The following CATSPERB variants were observed in gnomAD, a reference collection of about 807,000 sequenced individuals.
CATSPERB encodes the protein catsper channel auxiliary subunit beta.
CATSPERB carries 93 observed loss-of-function variants against 128.3 expected under a neutral mutation model. That is an observed-to-expected ratio of 0.72 (90% confidence interval 0.61 to 0.86). The LOEUF (loss-of-function observed/expected upper bound fraction) is 0.86. CATSPERB is among the 40% of genes least tolerant of loss of function. The pLI is 0.00. For synonymous variants in CATSPERB, 381 were observed against 448.8 expected (o/e 0.85, Z 1.91); for missense variants, 1,153 against 1,329.5 (o/e 0.87, Z 2.06).
rs1007807807 is a variant in CATSPERB at position 91,656,331 on chromosome 14, A to G, written c.1432+3506T>C. ...TGGTATGTAAACTACTCATATGTTG[A>G]GTAGAAAAACTAAAAGATAAACTGA... On this transcript the variant is annotated intron_variant, in intron 15 of 26. Transcript: ENST00000256343. Among the ~76,000 whole-genome samples the G allele has an allele frequency of 2.8e-4, 42 of 152,290 alleles. 1 individual carries two copies. Among genetic ancestry groups the G allele is most frequent in the Admixed American group, 2.4e-3 (37 of 15,306 alleles).
In CATSPERB at chr14:91,675,715, T is replaced by G. The variant is rs141858273; in HGVS notation, c.932-1493A>C. Among the ~76,000 whole-genome samples, 4 of 152,296 alleles carry G rather than the reference T, an allele frequency of 2.6e-5. No individual in the cohort carries two copies. In the East Asian group the frequency reaches 7.7e-4, roughly 29 times the overall value. On this transcript the variant is annotated intron_variant, in intron 11 of 26. Transcript: ENST00000256343. ...TTGGGCCCTTATCTACTTGCAACTTTCTTTCCTTCTTTCTCTACCCTTTAA... is the reference window on the plus strand; with the variant it reads ...TTGGGCCCTTATCTACTTGCAACTTGCTTTCCTTCTTTCTCTACCCTTTAA...
At chr14:91,631,489 C>A (rs573644932) in intron 17 of CATSPERB, among the ~76,000 whole-genome samples, 92 of 152,162 alleles carry the variant, frequency 6.0e-4, no homozygotes, top group African/African-American at 2.2e-3. Context: ...CATGGTGAAA[C>A]CCCGTCTCTA....
In CATSPERB at chr14:91,704,716, T is replaced by C; in HGVS notation, c.467-15A>G. ...AAGAATCGGTTCTGTGGAAATCAAA[T>C]TTGGGTGTTTAAATTGTGGGAGCAC... is the stretch of plus-strand genomic sequence containing the variant. On this transcript the variant is annotated splice_polypyrimidine_tract_variant and intron_variant, in intron 6 of 26. Transcript: ENST00000256343. 2 of 1,606,584 alleles carry C rather than the reference T, an allele frequency of 1.2e-6. No homozygotes were observed. The highest frequency in any genetic ancestry group is 1.7e-6 in the Non-Finnish European group (2 of 1,177,080).
chr14:91,722,898 T>C (rs76686186), intron 4 of CATSPERB, 151 bp downstream of exon 4: 105,178 of 479,924 alleles, frequency 0.22, 12,916 homozygotes, highest in South Asian at 0.4. Flanking sequence ...TATATGACTG[T>C]TTAAAGCAAA....
intron 15 of CATSPERB, among the ~76,000 whole-genome samples, chr14:91,650,337 CAT>C (rs1310151883): frequency 6.6e-6 from 1 of 152,104 alleles, no homozygotes. Flanking sequence ...AGCAATAGGA[CAT>C]ATGTTTATCA....
chr14:91,638,125 G>A (rs1167476170), intron 16 of CATSPERB, among the ~76,000 whole-genome samples: 2 of 152,084 alleles, frequency 1.3e-5, no homozygotes, highest in Non-Finnish European at 2.9e-5. Context: ...TTCATCTTTT[G>A]TTCCTTTTCC....
chr14:91,645,861 T>C (rs1259399304), intron 15 of CATSPERB, among the ~76,000 whole-genome samples: 8 of 146,868 alleles, frequency 5.4e-5, no homozygotes, highest in East Asian at 4.1e-4. Context: ...ATCAGCGAGA[T>C]TCCGTGGGCG....
chr14:91,626,573 A>C (rs1894167894), intron 17 of CATSPERB, among the ~76,000 whole-genome samples: 1 of 151,988 alleles, frequency 6.6e-6, no homozygotes, highest in Non-Finnish European at 1.5e-5. Flanking sequence ...GAATGAATTC[A>C]GTCCCTTCCC....
intron 26 of CATSPERB, among the ~76,000 whole-genome samples, chr14:91,584,203 G>C (rs888880866): frequency 2.0e-5 from 3 of 152,036 alleles, no homozygotes; most frequent in Non-Finnish European, 4.4e-5. Flanking sequence ...TGAGTAACTA[G>C]GATTACAGGC....
At chr14:91,626,649 C>T (rs922435690) in intron 17 of CATSPERB, among the ~76,000 whole-genome samples, 1 of 152,066 alleles carries the variant, frequency 6.6e-6, no homozygotes, top group African/African-American at 2.4e-5. Flanking sequence ...ATGTGCTCAC[C>T]CTTCTGCCTT....
chr14:91,707,627 C>A (rs1895756655), intron 6 of CATSPERB, among the ~76,000 whole-genome samples: 1 of 107,640 alleles, frequency 9.3e-6, no homozygotes, highest in Non-Finnish European at 1.7e-5. Flanking sequence ...GAGACACAGT[C>A]TCACTCTGTT....
intron 26 of CATSPERB, among the ~76,000 whole-genome samples, chr14:91,584,816 T>G (rs1457436383): frequency 6.6e-6 from 1 of 152,174 alleles, no homozygotes; most frequent in Non-Finnish European, 1.5e-5. Flanking sequence ...TACAGTGTTG[T>G]TTTTCTCTGA....
At chr14:91,605,616 G>A (rs1893686524) in intron 22 of CATSPERB, among the ~76,000 whole-genome samples, 1 of 152,138 alleles carries the variant, frequency 6.6e-6, no homozygotes, top group Non-Finnish European at 1.5e-5. Context: ...GGCTCATTAT[G>A]TTCCAGGCTG....
Position 91,610,563 on chromosome 14 carries a change from G to T in CATSPERB, c.2515C>A (p.Pro839Thr), listed in dbSNP as rs1389454100. ...TCTTCAAATGGGATAAATTTGCTAG[G>T]AATGTGATGCATAGATCTGAGATAA... ...CSYLRSMHHI[P>T]SKFIPFEDWI... Residue 839 changes from proline to threonine, a missense_variant, in exon 21 of 27, where the codon CCT (proline) becomes ACT (threonine). Pro to Thr is a conservative substitution (Grantham distance 38). Transcript: ENST00000256343. 6.2e-7 allele frequency: 1 copy of T among 1,614,010 alleles called. No homozygotes were observed. The highest frequency in any genetic ancestry group is 1.7e-5 in the Admixed American group (1 of 59,998).
intron 1 of CATSPERB, among the ~76,000 whole-genome samples, chr14:91,731,729 T>A (rs541170736): frequency 2.6e-4 from 39 of 152,316 alleles, no homozygotes; most frequent in Non-Finnish European, 5.9e-5. Flanking sequence ...AAGTTTTACA[T>A]AATTACTGGA....
At chr14:91,641,009 T>C (rs1247222798) in intron 15 of CATSPERB, among the ~76,000 whole-genome samples, 151 of 144,324 alleles carry the variant, frequency 1.0e-3, no homozygotes, top group African/African-American at 3.7e-3. Flanking sequence ...TTTTTTCATG[T>C]GTTTTTTGGC....
rs1344502095 is a variant in CATSPERB at position 91,636,560 on chromosome 14, T to C, written c.1607A>G (p.Glu536Gly). 1.9e-6 allele frequency: 3 copies of C among 1,613,618 alleles called. No homozygotes were observed. In the South Asian group the frequency reaches 3.3e-5, roughly 18 times the overall value. The change falls in exon 17 of 27, where the codon GAG (glutamate) becomes GGG (glycine). Residue 536 changes from glutamate (E) to glycine (G), a missense_variant. Transcript: ENST00000256343. Reference protein sequence around the residue: ...LFGQPPDMGFETALAPQHTSL... With the variant: ...LFGQPPDMGFGTALAPQHTSL... Reference sequence around the variant, plus strand: ...GGTGTGCTGTGGGGCAAGCGCAGTCTCAAAGCCCATATCTGGAGGCTGGAA... The same window carrying C: ...GGTGTGCTGTGGGGCAAGCGCAGTCCCAAAGCCCATATCTGGAGGCTGGAA...
In CATSPERB at chr14:91,683,941, A is replaced by G; in HGVS notation, c.867T>C (p.Val289=). ...SRADFCGFER[V]DYVKGKLWYN... is the part of the protein sequence containing the mutation. Reference sequence around the variant, plus strand: ...ACCACAGTTTTCCTTTCACATAGTCAACCTACATAAATAAATAAAATATCA... The same window carrying G: ...ACCACAGTTTTCCTTTCACATAGTCGACCTACATAAATAAATAAAATATCA... Residue 289 remains valine (V), a splice_region_variant and synonymous_variant, in exon 11 of 27, where the codon GTT becomes GTC. Transcript: ENST00000256343. 1 of 1,577,404 alleles carries G rather than the reference A, an allele frequency of 6.3e-7. No individual in the cohort carries two copies. The highest frequency in any genetic ancestry group is 8.7e-7 in the Non-Finnish European group (1 of 1,153,258).
chr14:91,692,707 A>G (rs1383161709), intron 9 of CATSPERB, among the ~76,000 whole-genome samples: 1 of 152,186 alleles, frequency 6.6e-6, no homozygotes, highest in African/African-American at 2.4e-5. Context: ...TGGTATGCAT[A>G]TTAACAATCT....
Sources: gnomAD v4.1 joint callset for allele counts (sites outside exome capture counted in the v4.1 genomes callset) on GRCh38, gnomAD v4.1.1 for gene constraint, MANE v1.5 for transcripts, NCBI Gene and HGNC (gene_info 2026-07-23, HGNC 2026-07-21) for gene names.